The following DOK3 variants were observed in gnomAD, a reference collection of about 807,000 sequenced individuals.
The protein encoded by DOK3 is Dok-like protein.
A neutral mutation model predicts 26.2 loss-of-function variants in DOK3; 23 were observed. The ratio of observed to expected loss-of-function variants is 0.88; its 90% CI spans 0.63 to 1.24. DOK3 has a LOEUF of 1.24. Among genes scored for constraint, DOK3 ranks in the 50% most tolerant of loss-of-function variants. The pLI, the probability that DOK3 is intolerant of heterozygous loss-of-function variation, is 0.00. For missense variants in DOK3, 619 were observed against 610.6 expected (o/e 1.01, Z -0.15); for synonymous variants, 268 against 268.2 (o/e 1.00, Z 0.01).
chr5:177,507,101 C>T (rs1402913809), intron 3 of DOK3, among the ~76,000 whole-genome samples: 4 of 152,204 alleles, frequency 2.6e-5, no homozygotes, highest in Non-Finnish European at 5.9e-5. Flanking sequence ...CTCCCCACTT[C>T]TCCCTTCCTC....
At chr5:177,510,441 G>GC (rs1760849278), upstream of DOK3, 1 of 153,756 alleles carries the variant, frequency 6.5e-6, no homozygotes, top group Non-Finnish European at 1.5e-5. Context: ...GTCCCAGGGG[G>GC]CCCCGGAGAG....
chr5:177,508,338 C>A lies in DOK3; in HGVS notation c.271G>T (p.Asp91Tyr), dbSNP rs1760495035. The A allele has an allele frequency of 4.4e-6, 7 of 1,597,832 alleles. No individual in the cohort carries two copies. Among genetic ancestry groups the A allele is most frequent in the African/African-American group, 1.3e-5 (1 of 74,998 alleles). Residue 91 changes from aspartate to tyrosine, a missense_variant, in exon 3 of 6, where the codon GAC becomes TAC. Transcript: ENST00000510898. ...LPADGESCPR[D>Y]TGAFLLTTTE... ...GTGGTGAGCAGGAAGGCACCGGTGT[C>A]CCGGGGGCAGCTCTCGCCGTCAGCC...
chr5:177,505,251 A>G, intron 3 of DOK3, 141 bp from the exon 4 acceptor site: 1 of 740,342 alleles, frequency 1.4e-6, no homozygotes, highest in Non-Finnish European at 2.1e-6. Context: ...CTCGCTGCAT[A>G]AGCCTAGGTC....
rs756441913 is a variant in DOK3 at position 177,504,979 on chromosome 5, C to T, written c.472+32G>A. 7 of 1,590,192 alleles carry T rather than the reference C, an allele frequency of 4.4e-6. No homozygotes were observed. In the East Asian group the frequency reaches 1.6e-4, roughly 36 times the overall value. On this transcript the variant is annotated intron_variant, in intron 4 of 5. Coordinates refer to ENST00000510898, the MANE Select transcript of DOK3 (RefSeq NM_001308236.3). ...AAGACCCAGCCCTGGGTGTGGGGGGCTGAGGCTGCCCTTGCACGTCCTCCA... is the reference window on the plus strand; with the variant it reads ...AAGACCCAGCCCTGGGTGTGGGGGGTTGAGGCTGCCCTTGCACGTCCTCCA...
intron 3 of DOK3, among the ~76,000 whole-genome samples, chr5:177,506,832 G>A (rs1760243517): frequency 6.6e-6 from 1 of 151,494 alleles, no homozygotes; most frequent in Non-Finnish European, 1.5e-5. Flanking sequence ...TGGCATTACA[G>A]GCATGCACCA....
rs139699386 is a variant in DOK3 at position 177,504,910 on chromosome 5, C to T, written c.478G>A (p.Glu160Lys). The T allele has an allele frequency of 1.4e-4, 216 of 1,585,992 alleles. 3 individuals are homozygous for T. In the South Asian group the frequency reaches 1.8e-3, roughly 13 times the overall value. The change falls in exon 5 of 6, where the codon GAG (glutamate) becomes AAG (lysine). Residue 160 changes from glutamate to lysine, a missense_variant. Coordinates refer to ENST00000510898, the MANE Select transcript of DOK3 (RefSeq NM_001308236.3). ...SIYSSWQEVG[E>K]FPVVVQRTEA... ...GTCCTCTGCACCACCACGGGAAACT[C>T]GCCCACTGTGGCAGGTGGCCAGGAC...
rs745554073 is a variant in DOK3, at chr5:177,504,074, C to G, written c.1232G>C (p.Arg411Pro). 12 of 1,608,740 alleles carry G rather than the reference C, an allele frequency of 7.5e-6. No individual in the cohort carries two copies. Among genetic ancestry groups the G allele is most frequent in the Admixed American group, 1.7e-5 (1 of 59,448 alleles). Residue 411 changes from arginine to proline, a missense_variant, in exon 6 of 6, where the codon CGC (arginine) becomes CCC (proline). By Grantham distance (103) the Arg-to-Pro change is moderately radical. Transcript: ENST00000510898. Reference protein sequence around the residue: ...LELDQVEGTGRPDPQAGFKAK... With the variant: ...LELDQVEGTGPPDPQAGFKAK... Reference sequence around the variant, plus strand: ...CTTGAAACCTGCCTGAGGGTCAGGGCGGCCTGTGCCCTCCACCTGATCCAG... The same window carrying G: ...CTTGAAACCTGCCTGAGGGTCAGGGGGGCCTGTGCCCTCCACCTGATCCAG...
upstream of DOK3, chr5:177,509,995 A>G (rs986513397): frequency 9.6e-7 from 1 of 1,038,560 alleles, no homozygotes; most frequent in African/African-American, 1.6e-5. Flanking sequence ...GCCTCACCCC[A>G]TCTTGCTGCT....
chr5:177,507,052 C>T (rs779256891), intron 3 of DOK3, among the ~76,000 whole-genome samples: 14 of 152,138 alleles, frequency 9.2e-5, no homozygotes, highest in Non-Finnish European at 1.6e-4. Flanking sequence ...AGAACTTTTC[C>T]ATCATCCCAC....
Position 177,504,390 on chromosome 5 carries a change from G to A in DOK3, c.916C>T (p.Pro306Ser), listed in dbSNP as rs773164703. ...SRKMHLAEPG[P>S]QSLPLLLGPE... ...CCTAGCAGTAGCGGCAGGCTCTGGG[G>A]TCCGGGCTCGGCCAGGTGCATTTTC... Residue 306 changes from proline to serine, a missense_variant, in exon 6 of 6, where the codon CCC (proline) becomes TCC (serine). Coordinates refer to ENST00000510898, the MANE Select transcript of DOK3 (RefSeq NM_001308236.3). 4 of 1,566,156 alleles carry A rather than the reference G, an allele frequency of 2.6e-6. No homozygotes were observed. The highest frequency in any genetic ancestry group is 1.7e-4 in the Middle Eastern group (1 of 5,798).
Position 177,502,801 on chromosome 5 carries a change from C to T in DOK3, c.*1182G>A, listed in dbSNP as rs1247445701. 7 of 516,432 alleles carry T rather than the reference C, an allele frequency of 1.4e-5. No homozygotes were observed. The highest frequency in any genetic ancestry group is 3.4e-5 in the Admixed American group (1 of 29,084). 32.0% of individuals were successfully genotyped at this position (516,432 alleles called of 1,614,324 possible). A position where few individuals can be genotyped will look rare whatever the true frequency, so the allele number is the denominator to read the frequency against. On this transcript the variant is annotated 3_prime_UTR_variant, in exon 6 of 6. Coordinates refer to ENST00000510898, the MANE Select transcript of DOK3 (RefSeq NM_001308236.3). Reference sequence around the variant, plus strand: ...GAGGAGGTCTGGGCTCGCCCAAGGCCGGGGACTTTGCCAGACCAGTAAGAT... The same window carrying T: ...GAGGAGGTCTGGGCTCGCCCAAGGCTGGGGACTTTGCCAGACCAGTAAGAT...
rs1759729827 is a variant in DOK3 at position 177,504,307 on chromosome 5, A to G, written c.999T>C (p.Ser333=). 1 of 1,605,878 alleles carries G rather than the reference A, an allele frequency of 6.2e-7. No individual in the cohort carries two copies. Residue 333 remains serine (S), a synonymous_variant, in exon 6 of 6, where the codon AGT becomes AGC. Coordinates refer to ENST00000510898, the MANE Select transcript of DOK3 (RefSeq NM_001308236.3). The stretch of plus-strand genomic sequence containing the variant: ...AGAGGTGCTCATTGCCTGGGGGCCC[A>G]CTGGCACGCTTGCACACTGAAGCGT... ...GLYASVCKRA[S]GPPGNEHLYE... is the part of the protein sequence containing the mutation.
rs1178154846 is a variant in DOK3 at position 177,502,949 on chromosome 5, C to T, written c.*1034G>A. ...ATGCCTAGGCAGGGGCGGTACTGGCCGCACTAAAGGAAGTGAGCTGGAAGG... is the reference window on the plus strand; with the variant it reads ...ATGCCTAGGCAGGGGCGGTACTGGCTGCACTAAAGGAAGTGAGCTGGAAGG... On this transcript the variant is annotated 3_prime_UTR_variant, in exon 6 of 6. Transcript: ENST00000510898. The T allele has an allele frequency of 7.8e-6, 9 of 1,157,448 alleles. No homozygotes were observed. Among genetic ancestry groups the T allele is most frequent in the Admixed American group, 2.6e-5 (1 of 37,914 alleles). The allele number at this position is 1,157,448 out of a possible 1,614,324, so 71.7% of individuals were successfully genotyped here. A position where few individuals can be genotyped will look rare whatever the true frequency, so the allele number is the denominator to read the frequency against.
Position 177,509,495 on chromosome 5 carries a change from G to A in DOK3, c.46C>T (p.Gln16Ter), listed in dbSNP as rs1760691308. ...CCCACCTTGCCAAACTTGACATGCT[G>A]CTGGTAGAGGATGCCATCCTTGATA... ...TPIKDGILYQ[Q>*]HVKFGKKCWR... is the part of the protein sequence containing the mutation. Residue 16 changes from glutamine (Q) to a stop codon, truncating the protein, a stop_gained, in exon 2 of 6, where the codon CAG (glutamine) becomes TAG (stop). Coordinates refer to ENST00000510898, the MANE Select transcript of DOK3 (RefSeq NM_001308236.3). LOFTEE classifies it high-confidence loss of function. 2 of 1,610,130 alleles carry A rather than the reference G, an allele frequency of 1.2e-6. No homozygotes were observed. Among genetic ancestry groups the A allele is most frequent in the East Asian group, 4.5e-5 (2 of 44,834 alleles).
rs1180808677 is a variant in DOK3, at chr5:177,508,468, C to G, written c.141G>C (p.Glu47Asp). Reference sequence around the variant, plus strand: ...CTGCTCCCAGGCCACCATCCCGGACCTCCCAGCTCTCCAGCCGTGCCACGC... The same window carrying G: ...CTGCTCCCAGGCCACCATCCCGGACGTCCCAGCTCTCCAGCCGTGCCACGC... ...PSGVARLESW[E>D]VRDGGLGAAG... The change falls in exon 3 of 6, where the codon GAG becomes GAC. Residue 47 changes from glutamate to aspartate, a missense_variant. Glu to Asp is a conservative substitution (Grantham distance 45, BLOSUM62 2). Transcript: ENST00000510898. 1.3e-6 allele frequency: 2 copies of G among 1,589,846 alleles called. No homozygotes were observed. The highest frequency in any genetic ancestry group is 4.6e-5 in the East Asian group (2 of 43,618).
rs1455547289 is a variant in DOK3, at chr5:177,503,008, G to A, written c.*975C>T. The stretch of plus-strand genomic sequence containing the variant: ...GCCAGAGGATGAGGCTTGGACAGGA[G>A]AGAGCAAAAATTGTGTGTCCGTCAT... On this transcript the variant is annotated 3_prime_UTR_variant, in exon 6 of 6. Transcript: ENST00000510898. The A allele has an allele frequency of 1.3e-6, 2 of 1,483,852 alleles. No homozygotes were observed. Among genetic ancestry groups the A allele is most frequent in the Admixed American group, 2.1e-5 (1 of 47,440 alleles). 91.9% of individuals were successfully genotyped at this position (1,483,852 alleles called of 1,614,324 possible).
In DOK3 at chr5:177,502,495, CAGCT is replaced by C. The variant is rs1201681507; in HGVS notation, c.*1484_*1487del. 2.6e-5 allele frequency: 4 copies of C among 153,502 alleles called. No individual in the cohort carries two copies. In the East Asian group the frequency reaches 7.7e-4, roughly 29 times the overall value. The allele number at this position is 153,502 out of a possible 1,614,324, so 9.5% of individuals were successfully genotyped here. A position where few individuals can be genotyped will look rare whatever the true frequency, so the allele number is the denominator to read the frequency against. The stretch of plus-strand genomic sequence containing the variant: ...GGTGAAAGGAGCCGGGATCAGAGCA[CAGCT>C]GGGGACAGACACTGTTTCTACTGTA... On this transcript the variant is annotated 3_prime_UTR_variant, in exon 6 of 6. Coordinates refer to ENST00000510898, the MANE Select transcript of DOK3 (RefSeq NM_001308236.3).
rs754746787 is a variant in DOK3, at chr5:177,504,023, C to T, written c.1283G>A (p.Arg428His). The T allele has an allele frequency of 5.1e-6, 8 of 1,577,234 alleles. No homozygotes were observed. The African/African-American group carries it at 5.4e-5, about 11-fold the overall frequency. Residue 428 changes from arginine (R) to histidine (H), a missense_variant, in exon 6 of 6, where the codon CGT (arginine) becomes CAT (histidine). Arg to His is a conservative substitution (Grantham distance 29, BLOSUM62 0). Transcript: ENST00000510898. Reference protein sequence around the residue: ...FKAKLVTLLSRERRKGPAPCD... With the variant: ...FKAKLVTLLSHERRKGPAPCD... ...AGGGGCTGGGCCCTTCCTCCGCTCACGACTCAGCAGGGTCACCAGCTTGGC... is the reference window on the plus strand; with the variant it reads ...AGGGGCTGGGCCCTTCCTCCGCTCATGACTCAGCAGGGTCACCAGCTTGGC...
rs146755459 is a variant in DOK3 at position 177,508,416 on chromosome 5, G to T, written c.193C>A (p.Arg65=). ...CGGATGACCCGTCGCTCCCCTCGCC[G>T]GCCAGGCCCTGCCGACCTGTCACCC... is the stretch of plus-strand genomic sequence containing the variant. ...AAGDRSAGPG[R]RGERRVIRLA... is the part of the protein sequence containing the mutation. The change falls in exon 3 of 6, where the codon CGG becomes AGG. Residue 65 remains arginine, a synonymous_variant. Transcript: ENST00000510898. 6.2e-7 allele frequency: 1 copy of T among 1,602,564 alleles called. No homozygotes were observed. Among genetic ancestry groups the T allele is most frequent in the South Asian group, 1.1e-5 (1 of 90,146 alleles).
Sources: gnomAD v4.1 joint callset for allele counts (sites outside exome capture counted in the v4.1 genomes callset) on GRCh38, gnomAD v4.1.1 for gene constraint, MANE v1.5 for transcripts, NCBI Gene and HGNC (gene_info 2026-07-23, HGNC 2026-07-21) for gene names.